Variants in RARB observed in about 807,000 individuals in gnomAD.
The protein encoded by RARB is HBV-activated protein.
In RARB, 17 loss-of-function variants were observed where a neutral mutation model predicts 51.9. That is an observed-to-expected ratio of 0.33 (90% confidence interval 0.22 to 0.49). The LOEUF is 0.49. Among genes scored for constraint, RARB ranks in the 20% least tolerant of loss-of-function variants. The probability of loss-of-function intolerance (pLI) is 0.99; values close to 1 mark genes in which losing one functional copy is unlikely to be tolerated. For missense variants in RARB, 369 were observed against 550.8 expected, an observed-to-expected ratio of 0.67 and a Z score of 3.30; for synonymous variants, 215 against 195.4, an observed-to-expected ratio of 1.10 and a Z score of -0.84.
chr3:25,137,235 A>T (rs1041545457), intron 4 of RARB, among the ~76,000 whole-genome samples: 1 of 152,090 alleles, frequency 6.6e-6, no homozygotes, highest in Non-Finnish European at 1.5e-5. Context: ...AACTTTAAGA[A>T]CTTAAAGTTG....
At chr3:25,362,493 C>T (rs537766272) in intron 5 of RARB, among the ~76,000 whole-genome samples, 40 of 152,278 alleles carry the variant, frequency 2.6e-4, no homozygotes, top group African/African-American at 8.4e-4. Context: ...GGTTCTGTCT[C>T]GCTGGCATTC....
At chr3:24,886,103 A>T (rs1411519537) in intron 2 of RARB, among the ~76,000 whole-genome samples, 2 of 152,158 alleles carry the variant, frequency 1.3e-5, no homozygotes, top group African/African-American at 2.4e-5. Flanking sequence ...TCAAGCCCCT[A>T]GGTCTCTGTA....
chr3:25,010,936 A>G (rs756159735), intron 2 of RARB, among the ~76,000 whole-genome samples: 1 of 152,148 alleles, frequency 6.6e-6, no homozygotes, highest in African/African-American at 2.4e-5. Context: ...CAATGTGACC[A>G]TCGAGGCCAA....
intron 3 of RARB, among the ~76,000 whole-genome samples, chr3:25,541,938 A>G (rs1699401127): frequency 6.6e-6 from 1 of 152,198 alleles, no homozygotes; most frequent in Admixed American, 6.5e-5. Flanking sequence ...ATCTTTGCAT[A>G]GCTGACCTCA....
chr3:25,097,384 G>T (rs913267780), intron 3 of RARB, among the ~76,000 whole-genome samples: 6 of 152,148 alleles, frequency 3.9e-5, no homozygotes, highest in Non-Finnish European at 5.9e-5. Flanking sequence ...CATTGAGGGG[G>T]TTACTTGAAT....
At chr3:25,222,271 G>A (rs1225702268) in intron 5 of RARB, among the ~76,000 whole-genome samples, 1 of 152,120 alleles carries the variant, frequency 6.6e-6, no homozygotes, top group African/African-American at 2.4e-5. Flanking sequence ...ACTATTTAAA[G>A]TTGAGCTATT....
At chr3:25,048,785 T>C (rs537924725) in intron 2 of RARB, among the ~76,000 whole-genome samples, 92 of 139,694 alleles carry the variant, frequency 6.6e-4, no homozygotes, top group African/African-American at 2.0e-3. Flanking sequence ...AGACGGAGTC[T>C]CGCTCTGTTG....
chr3:25,400,364 A>G (rs763740668), intron 5 of RARB, among the ~76,000 whole-genome samples: 17 of 152,222 alleles, frequency 1.1e-4, no homozygotes, highest in Admixed American at 2.0e-4. Flanking sequence ...TGGTTCTTCT[A>G]TTCAAGGAAC....
chr3:25,143,567 C>G (rs1700142725), intron 4 of RARB, among the ~76,000 whole-genome samples: 1 of 152,146 alleles, frequency 6.6e-6, no homozygotes, highest in Admixed American at 6.5e-5. Context: ...CAAGCTTAGG[C>G]ACTCCTCCTT....
chr3:25,458,126 T>C (rs1695005829), intron 1 of RARB, among the ~76,000 whole-genome samples: 1 of 152,202 alleles, frequency 6.6e-6, no homozygotes, highest in African/African-American at 2.4e-5. Flanking sequence ...ATAACAACCT[T>C]TGAACTGATA....
At chr3:25,087,488 G>A (rs1237356527) in intron 3 of RARB, among the ~76,000 whole-genome samples, 1 of 152,092 alleles carries the variant, frequency 6.6e-6, no homozygotes, top group African/African-American at 2.4e-5. Context: ...TTTTAGCCAT[G>A]TAACCTTGGG....
chr3:25,203,661 T>C (rs1361964687), intron 5 of RARB, among the ~76,000 whole-genome samples: 1 of 152,216 alleles, frequency 6.6e-6, no homozygotes, highest in Non-Finnish European at 1.5e-5. Flanking sequence ...TGCTTGTCTG[T>C]AAAGGATTTT....
chr3:25,192,543 C>T (rs765715618), intron 5 of RARB, among the ~76,000 whole-genome samples: 2 of 152,074 alleles, frequency 1.3e-5, no homozygotes, highest in East Asian at 3.9e-4. Context: ...TAGTACTGCT[C>T]TTTACTCATC....
chr3:25,039,600 A>T (rs1006982222), intron 2 of RARB, among the ~76,000 whole-genome samples: 1 of 152,242 alleles, frequency 6.6e-6, no homozygotes, highest in African/African-American at 2.4e-5. Flanking sequence ...TTAAAATTGT[A>T]CATTATTAAA....
intron 5 of RARB, among the ~76,000 whole-genome samples, chr3:25,177,836 A>G (rs1038933307): frequency 2.6e-5 from 4 of 152,274 alleles, no homozygotes; most frequent in East Asian, 1.9e-4. Context: ...CTGAATTTCT[A>G]TTCTATCAAC....
At chr3:24,869,011 G>A (rs1048622875) in intron 2 of RARB, among the ~76,000 whole-genome samples, 6 of 152,140 alleles carry the variant, frequency 3.9e-5, no homozygotes, top group Admixed American at 3.9e-4. Flanking sequence ...GGCCTTTGGT[G>A]ACTCATGTTT....
chr3:24,943,735 C>CTCTGT (rs1695717842), intron 2 of RARB, among the ~76,000 whole-genome samples: 1 of 152,096 alleles, frequency 6.6e-6, no homozygotes, highest in South Asian at 2.1e-4. Flanking sequence ...CATTTTGCAC[C>CTCTGT]TACAGATGGA....
chr3:25,187,578 T>C (rs1443750708), intron 5 of RARB, among the ~76,000 whole-genome samples: 1 of 151,972 alleles, frequency 6.6e-6, no homozygotes, highest in Non-Finnish European at 1.5e-5. Flanking sequence ...TTAAGGCAAA[T>C]GGCTAATAAA....
At chr3:24,977,657 A>G (rs1559419138) in intron 2 of RARB, among the ~76,000 whole-genome samples, 3 of 152,214 alleles carry the variant, frequency 2.0e-5, no homozygotes, top group Admixed American at 1.3e-4. Flanking sequence ...TTTTGGGCTG[A>G]GACTGTGGGG....
Sources: gnomAD v4.1 joint callset for allele counts (sites outside exome capture counted in the v4.1 genomes callset) on GRCh38, gnomAD v4.1.1 for gene constraint, MANE v1.5 for transcripts, NCBI Gene and HGNC (gene_info 2026-07-23, HGNC 2026-07-21) for gene names.